Variants in PRPF6 observed in about 807,000 individuals in gnomAD.
PRPF6 encodes the protein pre-mRNA processing factor 6.
A neutral mutation model predicts 118.3 loss-of-function variants in PRPF6; 42 were observed. The ratio of observed to expected loss-of-function variants is 0.35; its 90% CI spans 0.28 to 0.46. PRPF6 has a LOEUF of 0.46. Among genes scored for constraint, PRPF6 ranks in the 20% least tolerant of loss-of-function variants. PRPF6 has a pLI of 1.00. For synonymous variants in PRPF6, 481 were observed against 485.1 expected (o/e 0.99, Z 0.11); for missense variants, 662 against 1,255.7 (o/e 0.53, Z 7.15).
rs1569219648 is a variant in PRPF6 at position 64,011,418 on chromosome 20, C to T, written c.1439C>T (p.Thr480Met). The T allele has an allele frequency of 6.2e-7, 1 of 1,614,240 alleles. No individual in the cohort carries two copies. Among genetic ancestry groups the T allele is most frequent in the Non-Finnish European group, 8.5e-7 (1 of 1,180,050 alleles). Residue 480 changes from threonine (T) to methionine (M), a missense_variant, in exon 11 of 21, where the codon ACG (threonine) becomes ATG (methionine). Transcript: ENST00000266079. This position sits in a 1 kb window ranked among gnomAD's most constrained non-coding sequence, Gnocchi z 6.7. ...AAKLEEANGN[T>M]QMVEKIIDRA... Reference sequence around the variant, plus strand: ...AAGCTGGAGGAAGCCAATGGGAACACGCAGATGGTGGAGAAGATCATCGAC... The same window carrying T: ...AAGCTGGAGGAAGCCAATGGGAACATGCAGATGGTGGAGAAGATCATCGAC...
At chr20:64,003,683 C>T (rs563075003) in intron 9 of PRPF6, among the ~76,000 whole-genome samples, 1 of 152,314 alleles carries the variant, frequency 6.6e-6, no homozygotes, top group South Asian at 2.1e-4. Context: ...GCAAGCTCCG[C>T]CTCCCAGGTT....
At chr20:64,023,694 C>T (rs566381624) in intron 13 of PRPF6, among the ~76,000 whole-genome samples, 1 of 152,188 alleles carries the variant, frequency 6.6e-6, no homozygotes, top group Admixed American at 6.5e-5. Flanking sequence ...CCTTTGGGGA[C>T]GTTTTGAAAT....
chr20:64,024,733 A>G (rs770054657), intron 14 of PRPF6, 40 bp downstream of exon 14: 4 of 1,601,858 alleles, frequency 2.5e-6, no homozygotes, highest in Admixed American at 1.7e-5. Flanking sequence ...GCCTGTGCAC[A>G]CAGGAGCTGA....
Position 63,991,744 on chromosome 20 carries a change from C to G in PRPF6, c.360-1663C>G, listed in dbSNP as rs1238666095. On this transcript the variant is annotated intron_variant, in intron 3 of 20. Coordinates refer to ENST00000266079, the MANE Select transcript of PRPF6 (RefSeq NM_012469.4). ...GGCGGAGGTTGCAGTGAGCTGAGAT[C>G]GCACCACTGCATTCCAGCCTGGTGA... is the stretch of plus-strand genomic sequence containing the variant. Among the ~76,000 whole-genome samples, 3 of 151,624 alleles carry G rather than the reference C, an allele frequency of 2.0e-5. No individual in the cohort carries two copies. In the East Asian group the frequency reaches 5.8e-4, roughly 29 times the overall value.
chr20:64,007,686 C>T (rs567200450), intron 9 of PRPF6, among the ~76,000 whole-genome samples: 18 of 152,118 alleles, frequency 1.2e-4, no homozygotes, highest in African/African-American at 3.4e-4. Flanking sequence ...AGGCTAGTCT[C>T]GAATTCCTGG....
In PRPF6 at chr20:63,999,708, G is replaced by GC; in HGVS notation, c.973dup (p.Leu325ProfsTer19). 9.9e-6 allele frequency: 16 copies of GC among 1,614,244 alleles called. No individual in the cohort carries two copies. Among genetic ancestry groups the GC allele is most frequent in the Non-Finnish European group, 1.4e-5 (16 of 1,180,052 alleles). On this transcript the variant is annotated frameshift_variant, in exon 8 of 21. Transcript: ENST00000266079. LOFTEE classifies it high-confidence loss of function. Reference sequence around the variant, plus strand: ...CCCGCCTGGAAGAAGTCACTGGGAAGCTACAAGTAGCTCGGAACCTTATCA... The same window carrying GC: ...CCCGCCTGGAAGAAGTCACTGGGAAGCCTACAAGTAGCTCGGAACCTTATCA...
Position 64,011,588 on chromosome 20 carries a change from G to C in PRPF6, c.1524+85G>C. The stretch of plus-strand genomic sequence containing the variant: ...GTCCCACGCAGGACTGGGGGTTGCT[G>C]GATGGTACTGGGGAGTCCTGTGCCA... On this transcript the variant is annotated intron_variant, in intron 11 of 20. Transcript: ENST00000266079. The surrounding 1 kb of genome is among the most constrained non-coding windows in gnomAD (Gnocchi z 6.7). The C allele has an allele frequency of 6.9e-7, 1 of 1,445,148 alleles. No individual in the cohort carries two copies. Among genetic ancestry groups the C allele is most frequent in the Non-Finnish European group, 9.4e-7 (1 of 1,060,272 alleles). 89.5% of individuals were successfully genotyped at this position (1,445,148 alleles called of 1,614,324 possible).
chr20:63,993,145 G>A (rs576366347), intron 3 of PRPF6, among the ~76,000 whole-genome samples: 1 of 151,582 alleles, frequency 6.6e-6, no homozygotes, highest in African/African-American at 2.4e-5. Flanking sequence ...AAACCCAGGA[G>A]GTGGAGGTTG....
chr20:64,031,672 C>CAAA lies in PRPF6; in HGVS notation c.2547-229_2547-227dup, dbSNP rs568394576. On this transcript the variant is annotated intron_variant, in intron 19 of 20. Coordinates refer to ENST00000266079, the MANE Select transcript of PRPF6 (RefSeq NM_012469.4). ...TGGGCGACAGAGCGAGACTCCTTCT[C>CAAA]AAAAAAAAAAAAAAAAAAACAACAA... Among the ~76,000 whole-genome samples, 29 of 75,796 alleles carry CAAA rather than the reference C, an allele frequency of 3.8e-4. No individual in the cohort carries two copies. In the South Asian group the frequency reaches 5.8e-3, roughly 15 times the overall value. The allele number at this position is 75,796 out of a possible 152,430, so 49.7% of individuals were successfully genotyped here. A position where few individuals can be genotyped will look rare whatever the true frequency, so the allele number is the denominator to read the frequency against.
chr20:63,997,679 T>A (rs987071806), intron 6 of PRPF6, among the ~76,000 whole-genome samples: 2 of 151,932 alleles, frequency 1.3e-5, no homozygotes, highest in Non-Finnish European at 2.9e-5. Context: ...ATGGTCTTGA[T>A]CTCCTGACCT....
intron 14 of PRPF6, 24 bp downstream of exon 14, chr20:64,024,717 T>C: frequency 1.2e-6 from 2 of 1,608,420 alleles, no homozygotes; most frequent in Non-Finnish European, 1.7e-6. Context: ...GCCTGTGTGG[T>C]GAGGGGCCTG....
chr20:64,018,019 A>G (rs2059246765), intron 12 of PRPF6, among the ~76,000 whole-genome samples: 1 of 152,172 alleles, frequency 6.6e-6, no homozygotes, highest in Non-Finnish European at 1.5e-5. Flanking sequence ...CCTGGGCAAC[A>G]TGGCAGAACA....
At chr20:64,014,404 C>CA (rs1264700965) in intron 11 of PRPF6, among the ~76,000 whole-genome samples, 2 of 152,020 alleles carry the variant, frequency 1.3e-5, no homozygotes, top group African/African-American at 4.8e-5. Flanking sequence ...CCTATAATCT[C>CA]AGCACATTGC....
chr20:64,024,636 C>T lies in PRPF6; in HGVS notation c.1851C>T (p.Ser617=). 3 of 1,613,836 alleles carry T rather than the reference C, an allele frequency of 1.9e-6. No homozygotes were observed. Among genetic ancestry groups the T allele is most frequent in the East Asian group, 2.2e-5 (1 of 44,886 alleles). The change falls in exon 14 of 21, where the codon TCC becomes TCT. Residue 617 remains serine, a synonymous_variant. Coordinates refer to ENST00000266079, the MANE Select transcript of PRPF6 (RefSeq NM_012469.4). ...TGCTGTGGCTCATGGGCGCCAAGTC[C>T]AAGTGGCTGGCAGGGGATGTGCCTG... ...AEVLWLMGAK[S]KWLAGDVPAA...
intron 3 of PRPF6, among the ~76,000 whole-genome samples, chr20:63,989,572 T>C (rs6011247): frequency 9.6e-5 from 9 of 93,440 alleles, no homozygotes; most frequent in Non-Finnish European, 1.7e-4. Context: ...TTTCTGTTGC[T>C]TTTTTTTATC....
At chr20:64,022,140 T>C (rs1026676549) in intron 12 of PRPF6, among the ~76,000 whole-genome samples, 8 of 152,254 alleles carry the variant, frequency 5.3e-5, no homozygotes, top group African/African-American at 1.9e-4. Context: ...CAGCCCCATG[T>C]GCCCCTTTTT....
chr20:64,023,467 C>CGTCCTCTCCCAG (rs2059275093), intron 13 of PRPF6, among the ~76,000 whole-genome samples: 1 of 152,218 alleles, frequency 6.6e-6, no homozygotes, highest in South Asian at 2.1e-4. Context: ...ACCCTCTGTC[C>CGTCCTCTCCCAG]GTCCTCTCCC....
At chr20:64,009,400 C>A (rs2059205138) in intron 9 of PRPF6, among the ~76,000 whole-genome samples, 1 of 151,844 alleles carries the variant, frequency 6.6e-6, no homozygotes, top group South Asian at 2.1e-4. Context: ...AGTGCATGCA[C>A]CCCTGTAACC....
intron 20 of PRPF6, 148 bp downstream of exon 20, chr20:64,032,192 C>A: frequency 8.1e-7 from 1 of 1,237,012 alleles, no homozygotes; most frequent in Non-Finnish European, 1.2e-6. Flanking sequence ...GGCACAGAAT[C>A]CTCGACACCT....
Sources: gnomAD v4.1 joint callset for allele counts (sites outside exome capture counted in the v4.1 genomes callset) on GRCh38, gnomAD v4.1.1 for gene constraint, Gnocchi (gnomAD v3.1) non-coding constraint, MANE v1.5 for transcripts, NCBI Gene and HGNC (gene_info 2026-07-23, HGNC 2026-07-21) for gene names.